The following ZBBX variants were observed in gnomAD, a reference collection of about 807,000 sequenced individuals.
The protein encoded by ZBBX is zinc finger B-box domain-containing protein 1.
ZBBX carries 101 observed loss-of-function variants against 108.5 expected under a neutral mutation model. The observed-to-expected ratio is 0.93, with a 90% CI of 0.79 to 1.10. The LOEUF is 1.10. ZBBX is among the 50% of genes least tolerant of loss of function. The probability of loss-of-function intolerance (pLI) is 0.00; values close to 1 mark genes in which losing one functional copy is unlikely to be tolerated. For missense variants in ZBBX, 1,009 were observed against 941.4 expected, an observed-to-expected ratio of 1.07 and a Z score of -0.94; for synonymous variants, 356 against 323.4, an observed-to-expected ratio of 1.10 and a Z score of -1.08.
chr3:167,307,185 CA>C (rs1182774552), intron 16 of ZBBX, among the ~76,000 whole-genome samples: 1 of 152,114 alleles, frequency 6.6e-6, no homozygotes, highest in East Asian at 1.9e-4. Context: ...ACTGAAAGGG[CA>C]AAAGTATTCC....
chr3:167,238,872 T>G (rs1576744082), downstream of ZBBX, among the ~76,000 whole-genome samples: 1 of 152,148 alleles, frequency 6.6e-6, no homozygotes. Flanking sequence ...CTTCCCTTTG[T>G]CTTCTTTCTT....
At chr3:167,342,020 T>C (rs1429624536) in intron 9 of ZBBX, among the ~76,000 whole-genome samples, 2 of 151,812 alleles carry the variant, frequency 1.3e-5, no homozygotes, top group African/African-American at 4.8e-5. Context: ...TGAGCTCATT[T>C]GAGCTACATA....
chr3:167,268,917 T>G (rs1726051477), intron 20 of ZBBX, among the ~76,000 whole-genome samples: 1 of 152,070 alleles, frequency 6.6e-6, no homozygotes, highest in Non-Finnish European at 1.5e-5. Flanking sequence ...CAAGCCTCCA[T>G]CTAGAGGACC....
chr3:167,297,369 C>G (rs539412971), intron 18 of ZBBX, among the ~76,000 whole-genome samples: 4 of 152,016 alleles, frequency 2.6e-5, no homozygotes, highest in African/African-American at 9.6e-5. Flanking sequence ...ACCTTTGATA[C>G]CATGTACAAA....
chr3:167,187,883 C>T, the ZBBX span, among the ~76,000 whole-genome samples: 37 of 152,228 alleles, frequency 2.4e-4, no homozygotes, highest in African/African-American at 8.7e-4. Flanking sequence ...CTGAATCACA[C>T]AACAGGAACT....
chr3:167,204,824 G>A, the ZBBX span, among the ~76,000 whole-genome samples: 1 of 152,024 alleles, frequency 6.6e-6, no homozygotes, highest in Non-Finnish European at 1.5e-5. Flanking sequence ...CAGATTCAGG[G>A]AGAGAATGTC....
chr3:167,245,349 C>A (rs1721391186), intron 20 of ZBBX, among the ~76,000 whole-genome samples: 1 of 152,146 alleles, frequency 6.6e-6, no homozygotes, highest in Non-Finnish European at 1.5e-5. Context: ...GGCGACAAAG[C>A]CCTATTTCTA....
intron 20 of ZBBX, among the ~76,000 whole-genome samples, chr3:167,246,510 T>C (rs1318256000): frequency 6.6e-6 from 1 of 152,202 alleles, no homozygotes; most frequent in Non-Finnish European, 1.5e-5. Context: ...TTATTTCTTA[T>C]GTAAGAAAAA....
chr3:167,260,885 T>C (rs1049583095), intron 20 of ZBBX, among the ~76,000 whole-genome samples: 4 of 152,288 alleles, frequency 2.6e-5, no homozygotes, highest in Non-Finnish European at 5.9e-5. Context: ...GTGTGTTTTC[T>C]GGGGGGTGTT....
the ZBBX span, among the ~76,000 whole-genome samples, chr3:167,180,181 A>G: frequency 3.3e-5 from 5 of 152,174 alleles, no homozygotes; most frequent in African/African-American, 1.2e-4. Context: ...TATTCTATTT[A>G]TTTGAGCATT....
chr3:167,215,119 A>G, the ZBBX span, among the ~76,000 whole-genome samples: 1 of 152,176 alleles, frequency 6.6e-6, no homozygotes, highest in Non-Finnish European at 1.5e-5. Context: ...GCAGAAGACA[A>G]GAAATAACAA....
chr3:167,330,865 G>GAAGAAGAAGATGAAGAAGAAGAAGA (rs1553820632), intron 10 of ZBBX, among the ~76,000 whole-genome samples: 1 of 21,822 alleles, frequency 4.6e-5, no homozygotes, highest in Non-Finnish European at 9.7e-5. Flanking sequence ...GGAGGAGGAG[G>GAAGAAGAAGATGAAGAAGAAGAAGA]AGGAGGAGAA....
At chr3:167,387,169 A>T (rs1220288463) in intron 1 of ZBBX, among the ~76,000 whole-genome samples, 1 of 152,038 alleles carries the variant, frequency 6.6e-6, no homozygotes, top group African/African-American at 2.4e-5. Flanking sequence ...GGTGAAGGTA[A>T]TGCTCATTCA....
the ZBBX span, among the ~76,000 whole-genome samples, chr3:167,199,119 A>G: frequency 6.6e-6 from 1 of 152,214 alleles, no homozygotes; most frequent in East Asian, 1.9e-4. Flanking sequence ...ATAGAGAAGC[A>G]GGAGAAGCAT....
chr3:167,223,801 A>T, the ZBBX span, among the ~76,000 whole-genome samples: 3 of 151,926 alleles, frequency 2.0e-5, no homozygotes, highest in Non-Finnish European at 2.9e-5. Flanking sequence ...TTGTACTCTT[A>T]TTAAAGGTGT....
At chr3:167,370,000 C>A (rs1358855556) in intron 4 of ZBBX, among the ~76,000 whole-genome samples, 1 of 152,084 alleles carries the variant, frequency 6.6e-6, no homozygotes, top group East Asian at 1.9e-4. Flanking sequence ...TCATGAAGAG[C>A]CTTGTAAGCC....
At chr3:167,307,504 A>ATAGC (rs1012879138) in intron 16 of ZBBX, among the ~76,000 whole-genome samples, 31 of 152,316 alleles carry the variant, frequency 2.0e-4, no homozygotes, top group African/African-American at 7.2e-4. Context: ...AAGAGCTCCA[A>ATAGC]TAGCTAAGGC....
the ZBBX span, among the ~76,000 whole-genome samples, chr3:167,214,411 G>A: frequency 9.9e-5 from 15 of 152,180 alleles, no homozygotes; most frequent in Admixed American, 2.0e-4. Flanking sequence ...ATCACATATT[G>A]GTAAAGGTCT....
At chr3:167,301,502 A>G (rs1732662891) in intron 17 of ZBBX, among the ~76,000 whole-genome samples, 2 of 152,228 alleles carry the variant, frequency 1.3e-5, no homozygotes, top group Admixed American at 1.3e-4. Flanking sequence ...CTTTTGAGTC[A>G]GATTCATAGT....
Sources: allele counts gnomAD v4.1 joint callset (sites outside exome capture counted in the v4.1 genomes callset), GRCh38; gene constraint gnomAD v4.1.1; transcripts MANE v1.5; gene names NCBI Gene and HGNC (gene_info 2026-07-23, HGNC 2026-07-21).